The following MMD2 variants were observed in gnomAD, a reference collection of about 807,000 sequenced individuals.
The protein encoded by MMD2 is monocyte to macrophage differentiation factor 2.
In MMD2, 30 loss-of-function variants were observed where a neutral mutation model predicts 33.5. The ratio of observed to expected loss-of-function variants is 0.90; its 90% CI spans 0.67 to 1.22. The LOEUF (loss-of-function observed/expected upper bound fraction) is 1.22. Among genes scored for constraint, MMD2 ranks in the 50% most tolerant of loss-of-function variants. The pLI is 0.00. For missense variants in MMD2, 364 were observed against 325.4 expected, an observed-to-expected ratio of 1.12 and a Z score of -0.91; for synonymous variants, 129 against 123.0, an observed-to-expected ratio of 1.05 and a Z score of -0.32.
At chr7:4,935,104 T>C (rs1409070476) in intron 1 of MMD2, among the ~76,000 whole-genome samples, 1 of 151,882 alleles carries the variant, frequency 6.6e-6, no homozygotes, top group Non-Finnish European at 1.5e-5. Flanking sequence ...GAGAATCTCT[T>C]GAACCCGGGA....
intron 4 of MMD2, among the ~76,000 whole-genome samples, 185 bp downstream of exon 4, chr7:4,915,803 AAGTGAGTTATTTTCTGC>A (rs1250342421): frequency 4.6e-5 from 7 of 152,068 alleles, no homozygotes; most frequent in Admixed American, 4.6e-4. Flanking sequence ...ATAACTCAAG[AAGTGAGTTATTTTCTGC>A]ATAAAATAAC....
At chr7:4,930,410 T>C (rs367678320) in intron 1 of MMD2, among the ~76,000 whole-genome samples, 2 of 146,984 alleles carry the variant, frequency 1.4e-5, no homozygotes, top group African/African-American at 5.1e-5. Flanking sequence ...GAAGCGGAGG[T>C]GGGTGGATCA....
chr7:4,929,654 A>C (rs556549389), intron 1 of MMD2, among the ~76,000 whole-genome samples: 195 of 151,726 alleles, frequency 1.3e-3, no homozygotes, highest in Non-Finnish European at 2.1e-3. Flanking sequence ...CCTCCCTAGC[A>C]GTTGGAACTA....
At chr7:4,938,959 G>C (rs1785826003) in intron 1 of MMD2, among the ~76,000 whole-genome samples, 1 of 152,108 alleles carries the variant, frequency 6.6e-6, no homozygotes, top group South Asian at 2.1e-4. Context: ...TGTAATCCCA[G>C]CACTTTGGGA....
In MMD2 at chr7:4,940,382, G is replaced by A. The variant is rs1785873836; in HGVS notation, c.48-14850C>T. Among the ~76,000 whole-genome samples, 1 of 152,208 alleles carries A rather than the reference G, an allele frequency of 6.6e-6. No homozygotes were observed. Among genetic ancestry groups the A allele is most frequent in the Non-Finnish European group, 1.5e-5 (1 of 68,032 alleles). ...TGAATGAGCCCGGGCCCCGGAACGC[G>A]GCTGCAGCCACCCCTCCCAGGCTGG... On this transcript the variant is annotated intron_variant, in intron 1 of 6. Transcript: ENST00000401401. This position sits in a 1 kb window ranked among gnomAD's most constrained non-coding sequence, Gnocchi z 5.0.
the MMD2 span, among the ~76,000 whole-genome samples, chr7:4,895,665 T>C: frequency 6.6e-6 from 1 of 151,804 alleles, no homozygotes; most frequent in Non-Finnish European, 1.5e-5. Flanking sequence ...GCCTCCGGAG[T>C]AGCTGGGATA....
At chr7:4,892,616 A>AAATAAATAAATAAATC in the MMD2 span, among the ~76,000 whole-genome samples, 12 of 150,198 alleles carry the variant, frequency 8.0e-5, no homozygotes, top group African/African-American at 2.8e-4. Flanking sequence ...ATAAATAAAT[A>AAATAAATAAATAAATC]AATCTGAAAA....
intron 2 of MMD2, among the ~76,000 whole-genome samples, chr7:4,921,620 CAAA>C (rs1209184282): frequency 3.0e-5 from 2 of 67,442 alleles, no homozygotes; most frequent in Admixed American, 1.8e-4. Flanking sequence ...GACTCTGTCT[CAAA>C]AAAAAAAAAA....
At chr7:4,932,928 G>A (rs531220763) in intron 1 of MMD2, among the ~76,000 whole-genome samples, 2 of 151,536 alleles carry the variant, frequency 1.3e-5, no homozygotes, top group African/African-American at 2.4e-5. Flanking sequence ...CCTGGTCTCC[G>A]TGCTTTGCCT....
intron 1 of MMD2, 74 bp from the exon 2 acceptor site, chr7:4,925,606 G>A (rs2115112964): frequency 8.6e-7 from 1 of 1,156,962 alleles, no homozygotes; most frequent in Admixed American, 2.4e-5. Flanking sequence ...GAAGCCTGAA[G>A]ACCTTACTTC....
chr7:4,924,187 G>A (rs1001884776), intron 2 of MMD2, among the ~76,000 whole-genome samples: 15 of 151,928 alleles, frequency 9.9e-5, no homozygotes, highest in East Asian at 1.9e-4. Flanking sequence ...GCGAGACTTC[G>A]TCTCAAAAAA....
the MMD2 span, among the ~76,000 whole-genome samples, chr7:4,892,561 C>G: frequency 6.6e-6 from 1 of 150,746 alleles, no homozygotes; most frequent in Admixed American, 6.7e-5. Context: ...GTACTCCAGC[C>G]TGGGTGACAA....
At chr7:4,894,493 C>A in the MMD2 span, among the ~76,000 whole-genome samples, 4 of 152,070 alleles carry the variant, frequency 2.6e-5, no homozygotes, top group Admixed American at 6.6e-5. This position sits in a 1 kb window ranked among gnomAD's most constrained non-coding sequence, Gnocchi z 4.3. Context: ...CACAGCTCAC[C>A]CCCTCCACCT....
rs188725085 is a variant in MMD2 at position 4,943,228 on chromosome 7, C to A, written c.47+15743G>T. On this transcript the variant is annotated intron_variant, in intron 1 of 6. Coordinates refer to ENST00000401401, the MANE Select transcript of MMD2 (RefSeq NM_198403.4). ...GTTTCACCATGTTGGCCAGGCTGGTCTCAAACTCCTGACCTTGTGATCCGC... is the reference window on the plus strand; with the variant it reads ...GTTTCACCATGTTGGCCAGGCTGGTATCAAACTCCTGACCTTGTGATCCGC... Among the ~76,000 whole-genome samples, 218 of 150,902 alleles carry A rather than the reference C, an allele frequency of 1.4e-3. 1 individual carries two copies. The highest frequency in any genetic ancestry group is 2.6e-3 in the Non-Finnish European group (178 of 67,804).
chr7:4,940,190 C>T lies in MMD2; in HGVS notation c.48-14658G>A, dbSNP rs966697016. On this transcript the variant is annotated intron_variant, in intron 1 of 6. Coordinates refer to ENST00000401401, the MANE Select transcript of MMD2 (RefSeq NM_198403.4). The surrounding 1 kb of genome is among the most constrained non-coding windows in gnomAD (Gnocchi z 5.0). Reference sequence around the variant, plus strand: ...AGGCCTGGCATGTTGAGCATCCTGACCTGGGTGCAGGGTCCGGCACACCCC... The same window carrying T: ...AGGCCTGGCATGTTGAGCATCCTGATCTGGGTGCAGGGTCCGGCACACCCC... Among the ~76,000 whole-genome samples, 1 of 152,136 alleles carries T rather than the reference C, an allele frequency of 6.6e-6. No individual in the cohort carries two copies. The highest frequency in any genetic ancestry group is 1.5e-5 in the Non-Finnish European group (1 of 68,022).
chr7:4,938,002 C>CTTTTTTTTTTTTTTTTTTTTTTTTT (rs1165504272), intron 1 of MMD2, among the ~76,000 whole-genome samples: 21 of 45,650 alleles, frequency 4.6e-4, no homozygotes, highest in Admixed American at 7.8e-4. Context: ...TTCTTTCTTT[C>CTTTTTTTTTTTTTTTTTTTTTTTTT]TTTTTTTTTT....
intron 1 of MMD2, among the ~76,000 whole-genome samples, chr7:4,954,880 C>G (rs1206348214): frequency 6.6e-6 from 1 of 152,202 alleles, no homozygotes; most frequent in Non-Finnish European, 1.5e-5. Context: ...TTTCATCCCT[C>G]TAAAAGTGTC....
At chr7:4,957,594 G>A (rs1562499689) in intron 1 of MMD2, among the ~76,000 whole-genome samples, 1 of 151,634 alleles carries the variant, frequency 6.6e-6, no homozygotes, top group South Asian at 2.1e-4. Flanking sequence ...GGTTGCAGTG[G>A]GCCGAGATCA....
downstream of MMD2, among the ~76,000 whole-genome samples, chr7:4,902,540 C>T (rs1053051120): frequency 5.3e-5 from 8 of 152,158 alleles, no homozygotes; most frequent in Non-Finnish European, 1.2e-4. Context: ...TAGAAACCAC[C>T]AAGGGAGACT....
Sources: allele counts gnomAD v4.1 joint callset (sites outside exome capture counted in the v4.1 genomes callset), GRCh38; gene constraint gnomAD v4.1.1; non-coding constraint Gnocchi (gnomAD v3.1); transcripts MANE v1.5; gene names NCBI Gene and HGNC (gene_info 2026-07-23, HGNC 2026-07-21).